KLHL8: variants seen among roughly 807,000 people sequenced by gnomAD.
KLHL8 encodes the protein kelch-like protein 8.
KLHL8 carries 38 observed loss-of-function variants against 63.5 expected under a neutral mutation model. The observed-to-expected ratio is 0.60, with a 90% CI of 0.46 to 0.78. The LOEUF (loss-of-function observed/expected upper bound fraction) is 0.78. Ranked by LOEUF, KLHL8 falls within the 30% of genes least tolerant of loss-of-function variation. The pLI is 0.00. For missense variants in KLHL8, 566 were observed against 752.4 expected, an observed-to-expected ratio of 0.75 and a Z score of 2.90; for synonymous variants, 224 against 254.3, an observed-to-expected ratio of 0.88 and a Z score of 1.13.
At chr4:87,184,120 C>A (rs890360598) in intron 3 of KLHL8, among the ~76,000 whole-genome samples, 7 of 152,226 alleles carry the variant, frequency 4.6e-5, no homozygotes, top group African/African-American at 1.7e-4. Flanking sequence ...ATTGTTATGG[C>A]CCCCCTTGAA....
chr4:87,207,735 G>A, intron 1 of KLHL8: 5 of 865,180 alleles, frequency 5.8e-6, no homozygotes. Flanking sequence ...CCAAGGCTGT[G>A]GGAAAGGCCC....
At chr4:87,176,455 A>G (rs1730819924) in intron 6 of KLHL8, among the ~76,000 whole-genome samples, 1 of 152,190 alleles carries the variant, frequency 6.6e-6, no homozygotes, top group South Asian at 2.1e-4. Flanking sequence ...AAACTTTAAT[A>G]TTTTTGCAAC....
At chr4:87,203,347 C>T (rs1445175478) in intron 1 of KLHL8, among the ~76,000 whole-genome samples, 1 of 151,940 alleles carries the variant, frequency 6.6e-6, no homozygotes, top group Admixed American at 6.6e-5. Context: ...ACCATCCTGG[C>T]TAACATGATG....
chr4:87,183,669 T>C (rs886522916), intron 3 of KLHL8, among the ~76,000 whole-genome samples: 2 of 152,200 alleles, frequency 1.3e-5, no homozygotes, highest in African/African-American at 4.8e-5. Context: ...TCGGTTTAAA[T>C]AGGCTTTATA....
intron 6 of KLHL8, among the ~76,000 whole-genome samples, chr4:87,173,735 T>G (rs1730717279): frequency 6.6e-6 from 1 of 152,244 alleles, no homozygotes; most frequent in Non-Finnish European, 1.5e-5. Context: ...TCATTCAATC[T>G]TTGGCTAAAA....
At chr4:87,203,982 A>C (rs1397387070) in intron 1 of KLHL8, among the ~76,000 whole-genome samples, 1 of 152,216 alleles carries the variant, frequency 6.6e-6, no homozygotes, top group Non-Finnish European at 1.5e-5. Context: ...CAAAGACTTA[A>C]GACACTTCAC....
chr4:87,179,320 A>C (rs1296473971), intron 4 of KLHL8, among the ~76,000 whole-genome samples: 1 of 152,120 alleles, frequency 6.6e-6, no homozygotes, highest in Non-Finnish European at 1.5e-5. Context: ...CCTACTACTT[A>C]ACTACTGCAA....
At position 87,195,522 on chromosome 4, in the gene KLHL8, C is replaced by G; in HGVS notation, c.18G>C (p.Met6Ile). 1 of 1,613,038 alleles carries G rather than the reference C, an allele frequency of 6.2e-7. No individual in the cohort carries two copies. The highest frequency in any genetic ancestry group is 1.1e-5 in the South Asian group (1 of 90,998). Reference sequence around the variant, plus strand: ...TGTGATTCCTAGCTTGTTTACTACTCATAGAATCTGAAGCCATTTGCAATA... The same window carrying G: ...TGTGATTCCTAGCTTGTTTACTACTGATAGAATCTGAAGCCATTTGCAATA... MASDS[M>I]SSKQARNHIT... Residue 6 changes from methionine (M) to isoleucine (I), a missense_variant, in exon 2 of 10, where the codon ATG (methionine) becomes ATC (isoleucine). Physicochemically the swap from Met to Ile is conservative, Grantham distance 10. Transcript: ENST00000273963.
At chr4:87,215,664 T>TGGAA (rs1244788684) in intron 1 of KLHL8, among the ~76,000 whole-genome samples, 4 of 152,186 alleles carry the variant, frequency 2.6e-5, no homozygotes, top group African/African-American at 9.7e-5. Flanking sequence ...CAGCAATCAT[T>TGGAA]ATACAAGGAA....
chr4:87,166,124 C>T (rs1013870543), intron 8 of KLHL8, among the ~76,000 whole-genome samples: 1 of 152,172 alleles, frequency 6.6e-6, no homozygotes, highest in Admixed American at 6.5e-5. Context: ...TCCAGCTTTG[C>T]CACTTATTTA....
rs1560686361 is a variant in KLHL8, at chr4:87,163,495, A to T, written c.*24T>A. 1 of 1,613,034 alleles carries T rather than the reference A, an allele frequency of 6.2e-7. No homozygotes were observed. Among genetic ancestry groups the T allele is most frequent in the African/African-American group, 1.3e-5 (1 of 74,890 alleles). ...CTTTTGTACCTATCAGATATGACTA[A>T]ATTGTTGGTGGCCAGAACTCAAATC... On this transcript the variant is annotated 3_prime_UTR_variant, in exon 10 of 10. Coordinates refer to ENST00000273963, the MANE Select transcript of KLHL8 (RefSeq NM_020803.5).
At chr4:87,205,116 A>G (rs565353617) in intron 1 of KLHL8, among the ~76,000 whole-genome samples, 1 of 152,348 alleles carries the variant, frequency 6.6e-6, no homozygotes, top group East Asian at 1.9e-4. Flanking sequence ...AAAATAAAAT[A>G]TAAAGGCTGG....
chr4:87,209,579 G>C (rs1732305502), intron 1 of KLHL8, among the ~76,000 whole-genome samples: 1 of 152,172 alleles, frequency 6.6e-6, no homozygotes, highest in South Asian at 2.1e-4. Flanking sequence ...AAACAGGACT[G>C]ATAGCAAAAG....
chr4:87,201,958 A>G (rs1039608148), intron 1 of KLHL8, among the ~76,000 whole-genome samples: 1 of 152,112 alleles, frequency 6.6e-6, no homozygotes, highest in Non-Finnish European at 1.5e-5. Flanking sequence ...AATCAAAAAA[A>G]TTAGCTGGGC....
At chr4:87,238,037 G>A (rs1284891861) in intron 1 of KLHL8, among the ~76,000 whole-genome samples, 3 of 152,134 alleles carry the variant, frequency 2.0e-5, no homozygotes, top group African/African-American at 7.2e-5. Context: ...CTGAGTTCAA[G>A]CAATTCTTTT....
At chr4:87,221,060 A>G (rs534890561), upstream of KLHL8, 1 of 152,340 alleles carries the variant, frequency 6.6e-6, no homozygotes, top group African/African-American at 2.4e-5. Context: ...ACAGTTTGTA[A>G]ACCTAAGGAA....
At chr4:87,176,959 T>C (rs1011275561) in intron 5 of KLHL8, 91 bp from the exon 6 acceptor site, 1 of 624,280 alleles carries the variant, frequency 1.6e-6, no homozygotes, top group Non-Finnish European at 2.7e-6. Context: ...AATTAAAATA[T>C]CACCATAAGT....
intron 2 of KLHL8, among the ~76,000 whole-genome samples, chr4:87,192,618 GC>G (rs1445383276): frequency 6.6e-6 from 1 of 152,198 alleles, no homozygotes; most frequent in African/African-American, 2.4e-5. Flanking sequence ...GCTGTAGTAA[GC>G]AGTTCTAATA....
chr4:87,167,557 T>C (rs1048429458), intron 8 of KLHL8: 94 of 536,026 alleles, frequency 1.8e-4, no homozygotes, highest in African/African-American at 1.7e-3. Flanking sequence ...GTCTTTCTGC[T>C]CTGGGGCTGT....
Sources: gnomAD v4.1 joint callset for allele counts (sites outside exome capture counted in the v4.1 genomes callset) on GRCh38, gnomAD v4.1.1 for gene constraint, MANE v1.5 for transcripts, NCBI Gene and HGNC (gene_info 2026-07-23, HGNC 2026-07-21) for gene names.